DPYD: variants seen among roughly 807,000 people sequenced by gnomAD.
The protein encoded by DPYD is dihydropyrimidine dehydrogenase, also known as dihydropyrimidine dehydrogenase [NADP(+)].
In DPYD, 109 loss-of-function variants were observed where a neutral mutation model predicts 116.2. The ratio of observed to expected loss-of-function variants is 0.94; its 90% CI spans 0.80 to 1.10. The LOEUF is 1.10. Ranked by LOEUF, DPYD falls within the 50% of genes least tolerant of loss-of-function variation. The pLI, the probability that DPYD is intolerant of heterozygous loss-of-function variation, is 0.00. For missense variants in DPYD, 1,302 were observed against 1,254.5 expected, an observed-to-expected ratio of 1.04 and a Z score of -0.57; for synonymous variants, 440 against 432.0, an observed-to-expected ratio of 1.02 and a Z score of -0.23.
intron 18 of DPYD, among the ~76,000 whole-genome samples, chr1:97,241,205 T>C (rs2100772472): frequency 6.6e-6 from 1 of 152,116 alleles, no homozygotes; most frequent in African/African-American, 2.4e-5. Flanking sequence ...GTACCTAGCA[T>C]GTGTCAGGCA....
At chr1:97,149,086 A>C (rs891697361) in intron 20 of DPYD, among the ~76,000 whole-genome samples, 1 of 152,156 alleles carries the variant, frequency 6.6e-6, no homozygotes, top group Non-Finnish European at 1.5e-5. Context: ...AAAAATTAGC[A>C]ATCTTTTGAA....
chr1:97,906,614 G>A (rs919756975), intron 1 of DPYD, among the ~76,000 whole-genome samples: 4 of 151,968 alleles, frequency 2.6e-5, no homozygotes, highest in East Asian at 1.9e-4. Flanking sequence ...CCTAATCCAC[G>A]GGGATATGTT....
At chr1:97,820,991 T>C (rs1668896307) in intron 3 of DPYD, among the ~76,000 whole-genome samples, 3 of 152,078 alleles carry the variant, frequency 2.0e-5, no homozygotes, top group African/African-American at 7.2e-5. Context: ...TCACCTTTTC[T>C]CAAGTTATTC....
intron 8 of DPYD, among the ~76,000 whole-genome samples, chr1:97,608,672 C>A (rs908545922): frequency 1.3e-5 from 2 of 151,592 alleles, no homozygotes; most frequent in African/African-American, 2.4e-5. Flanking sequence ...AGCATGTAGA[C>A]AGATATGAGA....
chr1:97,839,212 C>T (rs146774573), intron 2 of DPYD, among the ~76,000 whole-genome samples: 4 of 152,232 alleles, frequency 2.6e-5, no homozygotes, highest in South Asian at 2.1e-4. Context: ...TTGAAAATTA[C>T]GCATATTGTA....
At chr1:97,901,472 G>C (rs1353685831) in intron 1 of DPYD, among the ~76,000 whole-genome samples, 1 of 151,802 alleles carries the variant, frequency 6.6e-6, no homozygotes. Flanking sequence ...CAAATGAAAA[G>C]AAAGAGACAA....
chr1:97,493,755 T>A (rs1486111666), intron 13 of DPYD, among the ~76,000 whole-genome samples: 1 of 152,200 alleles, frequency 6.6e-6, no homozygotes, highest in Non-Finnish European at 1.5e-5. Flanking sequence ...GCAAACCTTT[T>A]AACAAGTTTC....
At chr1:97,280,269 T>C (rs1665234487) in intron 18 of DPYD, 1 of 151,872 alleles carries the variant, frequency 6.6e-6, no homozygotes, top group Non-Finnish European at 1.5e-5. Context: ...AAATGAATAA[T>C]GAGGCAGAAG....
chr1:97,829,996 G>A (rs1289755987), intron 2 of DPYD, among the ~76,000 whole-genome samples: 1 of 151,812 alleles, frequency 6.6e-6, no homozygotes, highest in Non-Finnish European at 1.5e-5. Context: ...AGAACATGCT[G>A]TGTTCGGTTT....
intron 20 of DPYD, among the ~76,000 whole-genome samples, chr1:97,173,182 A>G (rs892568647): frequency 1.3e-5 from 2 of 149,786 alleles, no homozygotes; most frequent in Admixed American, 6.7e-5. Context: ...ACATGTATAC[A>G]TATATATGTG....
chr1:97,619,608 C>A (rs1656510082), intron 8 of DPYD, among the ~76,000 whole-genome samples: 1 of 152,138 alleles, frequency 6.6e-6, no homozygotes, highest in Admixed American at 6.6e-5. Flanking sequence ...ATGTTAACGA[C>A]CATTGCTTCT....
intron 13 of DPYD, among the ~76,000 whole-genome samples, chr1:97,488,857 A>G (rs569158071): frequency 1.3e-5 from 2 of 152,362 alleles, no homozygotes; most frequent in South Asian, 4.1e-4. Context: ...GATGTAATCA[A>G]AAGTGGGTAT....
intron 2 of DPYD, among the ~76,000 whole-genome samples, chr1:97,841,227 CAT>C (rs1228873688): frequency 6.6e-6 from 1 of 152,014 alleles, no homozygotes; most frequent in Non-Finnish European, 1.5e-5. Flanking sequence ...AGATAATTTA[CAT>C]GTGATGAAAA....
Position 97,573,972 on chromosome 1 carries a change from T to G in DPYD, c.1129-2A>C, listed in dbSNP as rs1405262780. ...CTTTTCTTCCTTAGCAAGTTCCATC[T>G]AAAACAAAACAGAACAGAGAAGAAA... On this transcript the variant is annotated splice_acceptor_variant, in intron 10 of 22. Coordinates refer to ENST00000370192, the MANE Select transcript of DPYD (RefSeq NM_000110.4). LOFTEE classifies it high-confidence loss of function. The G allele has an allele frequency of 6.2e-7, 1 of 1,613,194 alleles. No homozygotes were observed. Among genetic ancestry groups the G allele is most frequent in the Non-Finnish European group, 8.5e-7 (1 of 1,179,480 alleles).
chr1:97,911,732 GGTGAGA>G (rs1255743332), intron 1 of DPYD, among the ~76,000 whole-genome samples: 5 of 152,046 alleles, frequency 3.3e-5, no homozygotes, highest in South Asian at 2.1e-4. Context: ...TTGGGGTGAG[GGTGAGA>G]AGGCTGGGAT....
At chr1:97,890,703 T>C (rs1216244628) in intron 1 of DPYD, among the ~76,000 whole-genome samples, 4 of 151,968 alleles carry the variant, frequency 2.6e-5, no homozygotes, top group African/African-American at 7.2e-5. Flanking sequence ...AAAAGACACA[T>C]TTTTTTAAAG....
chr1:97,533,195 T>G (rs1649766049), intron 12 of DPYD, among the ~76,000 whole-genome samples: 1 of 152,024 alleles, frequency 6.6e-6, no homozygotes, highest in Non-Finnish European at 1.5e-5. Context: ...ACATGAGATT[T>G]GGTGGAGACA....
rs72979801 is a variant in DPYD, at chr1:97,890,931, T to C, written c.40-7557A>G. ...TTTCACATAGCATAAGTAGAAAGCA[T>C]AACATAACATGAAATATTGGGTTAA... is the stretch of plus-strand genomic sequence containing the variant. On this transcript the variant is annotated intron_variant, in intron 1 of 22. Transcript: ENST00000370192. Among the ~76,000 whole-genome samples, 969 of 152,054 alleles carry C rather than the reference T, an allele frequency of 6.4e-3. 7 individuals are homozygous for C. The highest frequency in any genetic ancestry group is 0.022 in the African/African-American group (914 of 41,530).
chr1:97,422,489 C>G (rs1674643291), intron 14 of DPYD, among the ~76,000 whole-genome samples: 1 of 152,104 alleles, frequency 6.6e-6, no homozygotes. Flanking sequence ...ATGTACCAAA[C>G]AAAGGAGAGG....
Sources: gnomAD v4.1 joint callset for allele counts (sites outside exome capture counted in the v4.1 genomes callset) on GRCh38, gnomAD v4.1.1 for gene constraint, MANE v1.5 for transcripts, NCBI Gene and HGNC (gene_info 2026-07-23, HGNC 2026-07-21) for gene names.